Variants in OCA2 observed in about 807,000 individuals in gnomAD.
The protein encoded by OCA2 is OCA2 melanosomal transmembrane protein, also known as P protein.
A neutral mutation model predicts 100.2 loss-of-function variants in OCA2; 77 were observed. That is an observed-to-expected ratio of 0.77 (90% confidence interval 0.64 to 0.93). The LOEUF (loss-of-function observed/expected upper bound fraction) is 0.93, where lower values mean the gene tolerates loss of function less well. Ranked by LOEUF, OCA2 falls within the 40% of genes least tolerant of loss-of-function variation. OCA2 has a pLI of 0.00. For missense variants in OCA2, 1,062 were observed against 1,089.1 expected (o/e 0.98, Z 0.35); for synonymous variants, 432 against 439.2 (o/e 0.98, Z 0.21).
chr15:27,977,012 T>C (rs893495826), intron 14 of OCA2, among the ~76,000 whole-genome samples: 2 of 152,054 alleles, frequency 1.3e-5, no homozygotes, highest in Admixed American at 1.3e-4. Context: ...TTCCAAAAAA[T>C]TGTTTATTTT....
intron 15 of OCA2, among the ~76,000 whole-genome samples, chr15:27,963,135 G>A (rs2040460395): frequency 6.6e-6 from 1 of 152,024 alleles, no homozygotes; most frequent in Non-Finnish European, 1.5e-5. Flanking sequence ...AATGCATAAA[G>A]CAAAATAATA....
At chr15:27,947,396 G>A (rs1027702548) in intron 18 of OCA2, among the ~76,000 whole-genome samples, 6 of 152,192 alleles carry the variant, frequency 3.9e-5, no homozygotes, top group African/African-American at 9.6e-5. Flanking sequence ...CCTCTTTACC[G>A]GATGGGTGTG....
chr15:28,096,041 G>C (rs987582876), intron 1 of OCA2, among the ~76,000 whole-genome samples: 1 of 152,130 alleles, frequency 6.6e-6, no homozygotes, highest in Non-Finnish European at 1.5e-5. Flanking sequence ...GCATGGCTGT[G>C]TCTCTCGGAG....
At chr15:27,822,184 C>T (rs2034534796) in intron 23 of OCA2, among the ~76,000 whole-genome samples, 1 of 152,208 alleles carries the variant, frequency 6.6e-6, no homozygotes, top group Non-Finnish European at 1.5e-5. Flanking sequence ...AGAGTCCCCT[C>T]ATGAGTCCCC....
At chr15:27,984,950 C>G (rs1013113946) in intron 13 of OCA2, 114 bp downstream of exon 13, 1 of 1,273,402 alleles carries the variant, frequency 7.9e-7, no homozygotes, top group African/African-American at 1.5e-5. Context: ...GTGGGCTCAA[C>G]CGCCCCCACC....
At chr15:27,764,377 G>A (rs1252981581) in intron 23 of OCA2, among the ~76,000 whole-genome samples, 2 of 152,114 alleles carry the variant, frequency 1.3e-5, no homozygotes, top group African/African-American at 4.8e-5. Context: ...TTTTGCACAT[G>A]CCACAAGATC....
At position 27,985,166 on chromosome 15, in the gene OCA2, C is replaced by T. The variant is rs369322694; in HGVS notation, c.1262G>A (p.Arg421Gln). Residue 421 changes from arginine to glutamine, a missense_variant, in exon 13 of 24, where the codon CGG (arginine) becomes CAG (glutamine). Physicochemically the swap from Arg to Gln is conservative, Grantham distance 43. Coordinates refer to ENST00000354638, the MANE Select transcript of OCA2 (RefSeq NM_000275.3). ...GAGCATGATGATCATGGCCCACACC[C>T]GTCCCCGGGAGAGCCGGTATGCCTG... ...AVKAYRLSRGRVWAMIIMLCL... is the reference protein window; with the variant it reads ...AVKAYRLSRGQVWAMIIMLCL... 3.1e-5 allele frequency: 50 copies of T among 1,613,732 alleles called. No individual in the cohort carries two copies. The highest frequency in any genetic ancestry group is 1.3e-4 in the African/African-American group (10 of 74,932).
intron 23 of OCA2, among the ~76,000 whole-genome samples, chr15:27,785,803 T>A (rs763863572): frequency 1.3e-5 from 2 of 152,208 alleles, no homozygotes; most frequent in Non-Finnish European, 2.9e-5. Flanking sequence ...ATGTTCCTTA[T>A]GGCATTATTC....
At chr15:27,868,848 G>A (rs776448881) in intron 21 of OCA2, among the ~76,000 whole-genome samples, 1 of 152,270 alleles carries the variant, frequency 6.6e-6, no homozygotes, top group East Asian at 1.9e-4. Flanking sequence ...TTATACATTC[G>A]ATAGGTGCAG....
intron 19 of OCA2, among the ~76,000 whole-genome samples, chr15:27,914,202 GAGCA>G (rs1159501756): frequency 6.6e-6 from 1 of 151,740 alleles, no homozygotes; most frequent in East Asian, 1.9e-4. Flanking sequence ...GGTATCAAAG[GAGCA>G]TACCTTAAAA....
At chr15:27,741,125 C>A in the OCA2 span, among the ~76,000 whole-genome samples, 2 of 152,342 alleles carry the variant, frequency 1.3e-5, no homozygotes, top group South Asian at 4.1e-4. Context: ...AGGCCTCTAA[C>A]CCTCACCAAG....
In OCA2 at chr15:27,795,572, G is replaced by A. The variant is rs544995651; in HGVS notation, c.2433-40100C>T. Among the ~76,000 whole-genome samples, 8 of 152,222 alleles carry A rather than the reference G, an allele frequency of 5.3e-5. No individual in the cohort carries two copies. In the East Asian group the frequency reaches 9.7e-4, roughly 18 times the overall value. ...CACCCTCTCTCTCAGCTGATGCTCC[G>A]CCACAGACCAGCATCAGCTCTTCAA... On this transcript the variant is annotated intron_variant, in intron 23 of 23. Transcript: ENST00000354638.
intron 14 of OCA2, 99 bp downstream of exon 14, chr15:27,983,246 A>T: frequency 6.9e-7 from 1 of 1,442,450 alleles, no homozygotes; most frequent in South Asian, 1.2e-5. Flanking sequence ...AGGTGGCGTG[A>T]TGATCTTGAT....
Position 27,871,849 on chromosome 15 carries a change from A to G in OCA2, c.2139+14T>C. 1 of 1,547,664 alleles carries G rather than the reference A, an allele frequency of 6.5e-7. No individual in the cohort carries two copies. The highest frequency in any genetic ancestry group is 8.9e-7 in the Non-Finnish European group (1 of 1,120,704). The stretch of plus-strand genomic sequence containing the variant: ...CAGTGGCTGGAGTGCCTTCTATTAT[A>G]GCATTTATTTTACCTTTATTAGCAA... On this transcript the variant is annotated intron_variant, in intron 20 of 23. Transcript: ENST00000354638.
At chr15:27,887,726 G>C (rs1233164020) in intron 19 of OCA2, among the ~76,000 whole-genome samples, 1 of 150,078 alleles carries the variant, frequency 6.7e-6, no homozygotes, top group African/African-American at 2.5e-5. Context: ...ACAGCTGCAG[G>C]GTGCATTTTG....
rs145272757 is a variant in OCA2, at chr15:27,965,822, T to G, written c.1636+868A>C. Among the ~76,000 whole-genome samples, 6 of 152,340 alleles carry G rather than the reference T, an allele frequency of 3.9e-5. No homozygotes were observed. The East Asian group carries it at 7.7e-4, about 20-fold the overall frequency. ...GAAAGGCTGCTTGTTTCCCAAATAATCTATTGTTCCTAATATATTCTAATC... is the reference window on the plus strand; with the variant it reads ...GAAAGGCTGCTTGTTTCCCAAATAAGCTATTGTTCCTAATATATTCTAATC... On this transcript the variant is annotated intron_variant, in intron 15 of 23. Transcript: ENST00000354638.
chr15:28,071,942 A>G (rs1200784283), intron 2 of OCA2, among the ~76,000 whole-genome samples: 1 of 152,244 alleles, frequency 6.6e-6, no homozygotes, highest in Non-Finnish European at 1.5e-5. Flanking sequence ...GAGCTTCTGC[A>G]CAGCAAAATG....
intron 11 of OCA2, 109 bp from the exon 12 acceptor site, chr15:27,986,752 C>A: frequency 1.3e-6 from 1 of 782,484 alleles, no homozygotes; most frequent in Non-Finnish European, 2.3e-6. Flanking sequence ...AAAGCCACCA[C>A]ATCACCAAGC....
chr15:28,091,947 C>A (rs2044877087), intron 1 of OCA2, among the ~76,000 whole-genome samples: 1 of 152,098 alleles, frequency 6.6e-6, no homozygotes, highest in Non-Finnish European at 1.5e-5. Flanking sequence ...CAGAGCAAGA[C>A]TCCATCTCAA....
Sources: allele counts gnomAD v4.1 joint callset (sites outside exome capture counted in the v4.1 genomes callset), GRCh38; gene constraint gnomAD v4.1.1; transcripts MANE v1.5; gene names NCBI Gene and HGNC (gene_info 2026-07-23, HGNC 2026-07-21).